The following MELK variants were observed in gnomAD, a reference collection of about 807,000 sequenced individuals.
The protein encoded by MELK is maternal embryonic leucine zipper kinase.
A neutral mutation model predicts 85.0 loss-of-function variants in MELK; 81 were observed. That is an observed-to-expected ratio of 0.95 (90% confidence interval 0.80 to 1.15). MELK has a LOEUF of 1.15. Ranked by LOEUF, MELK falls within the 50% of genes most tolerant of loss-of-function variation. The pLI is 0.00. For synonymous variants in MELK, 252 were observed against 265.0 expected (o/e 0.95, Z 0.48); for missense variants, 754 against 777.5 (o/e 0.97, Z 0.36).
In MELK at chr9:36,665,483, A is replaced by G. The variant is rs139147189; in HGVS notation, c.1310A>G (p.Glu437Gly). Residue 437 changes from glutamate to glycine, a missense_variant, in exon 14 of 18, where the codon GAG (glutamate) becomes GGG (glycine). Coordinates refer to ENST00000298048, the MANE Select transcript of MELK (RefSeq NM_014791.4). ...YTPKSAVKNEEYFMFPEPKTP... is the reference protein window; with the variant it reads ...YTPKSAVKNEGYFMFPEPKTP... ...CCTAAGTCTGCTGTAAAGAATGAAG[A>G]GTACTTTATGTTTCCTGAGCCAAAG... 13 of 1,613,654 alleles carry G rather than the reference A, an allele frequency of 8.1e-6. No individual in the cohort carries two copies. The African/African-American group carries it at 1.6e-4, about 20-fold the overall frequency.
intron 8 of MELK, among the ~76,000 whole-genome samples, chr9:36,627,661 G>A (rs1828074549): frequency 6.6e-6 from 1 of 151,434 alleles, no homozygotes; most frequent in Admixed American, 6.6e-5. Flanking sequence ...TGAGTAGCTG[G>A]GAATTATAAG....
chr9:36,669,497 A>G (rs139998544), intron 15 of MELK, 91 bp downstream of exon 15: 89 of 888,308 alleles, frequency 1.0e-4, no homozygotes, highest in Middle Eastern at 3.3e-4. Flanking sequence ...AAGGTAAATC[A>G]TCACATAGAT....
At chr9:36,596,563 GT>G (rs750016508) in intron 5 of MELK, among the ~76,000 whole-genome samples, 3,207 of 106,092 alleles carry the variant, frequency 0.03, 242 homozygotes, top group African/African-American at 0.12. Context: ...GGCCCTTTTT[GT>G]TTTTTTTGTT....
At chr9:36,585,862 T>A (rs915009828) in intron 3 of MELK, among the ~76,000 whole-genome samples, 1 of 151,870 alleles carries the variant, frequency 6.6e-6, no homozygotes, top group African/African-American at 2.4e-5. Flanking sequence ...CCCTTGAGCC[T>A]AGGAGGTTGA....
Position 36,597,299 on chromosome 9 carries a change from A to G in MELK, c.474+9A>G. The G allele has an allele frequency of 6.2e-7, 1 of 1,606,354 alleles. No homozygotes were observed. Among genetic ancestry groups the G allele is most frequent in the Non-Finnish European group, 8.5e-7 (1 of 1,173,216 alleles). On this transcript the variant is annotated intron_variant, in intron 6 of 17. Coordinates refer to ENST00000298048, the MANE Select transcript of MELK (RefSeq NM_014791.4). ...TCTGTGCAAAACCCAAGGTAAGTGCAGAAATAAGATGCATCTATGTTCTTT... is the reference window on the plus strand; with the variant it reads ...TCTGTGCAAAACCCAAGGTAAGTGCGGAAATAAGATGCATCTATGTTCTTT...
intron 6 of MELK, among the ~76,000 whole-genome samples, chr9:36,598,640 A>G (rs1824561434): frequency 6.6e-6 from 1 of 152,182 alleles, no homozygotes; most frequent in African/African-American, 2.4e-5. Flanking sequence ...TGTTCTATGT[A>G]ACATATTGCT....
chr9:36,584,655 C>G (rs1046197568), intron 3 of MELK, among the ~76,000 whole-genome samples: 1 of 151,404 alleles, frequency 6.6e-6, no homozygotes, highest in Non-Finnish European at 1.5e-5. Context: ...TCTTATGATA[C>G]TCTTACTAAA....
intron 10 of MELK, among the ~76,000 whole-genome samples, chr9:36,641,433 C>G (rs970963592): frequency 6.6e-6 from 1 of 152,036 alleles, no homozygotes; most frequent in African/African-American, 2.4e-5. Context: ...AATTCCCAAG[C>G]CTGTTAGCCA....
At chr9:36,618,141 G>A (rs1411106178) in intron 8 of MELK, among the ~76,000 whole-genome samples, 2 of 151,118 alleles carry the variant, frequency 1.3e-5, no homozygotes, top group Admixed American at 1.3e-4. Context: ...AAAAAAAAGG[G>A]CCCAGTGGCT....
chr9:36,633,983 C>T (rs1468669226), intron 10 of MELK, among the ~76,000 whole-genome samples: 1 of 152,198 alleles, frequency 6.6e-6, no homozygotes, highest in East Asian at 1.9e-4. Context: ...CATGTGGAAT[C>T]TGAAGCCATA....
chr9:36,647,023 C>T, intron 11 of MELK, among the ~76,000 whole-genome samples: 1 of 152,224 alleles, frequency 6.6e-6, no homozygotes, highest in East Asian at 1.9e-4. Flanking sequence ...CACCTGAAAG[C>T]ATAACTAATG....
intron 1 of MELK, among the ~76,000 whole-genome samples, chr9:36,575,896 C>T (rs1179660439): frequency 6.6e-6 from 1 of 152,154 alleles, no homozygotes; most frequent in Non-Finnish European, 1.5e-5. Context: ...TTCCATTCTC[C>T]TGCTCTCTTT....
At chr9:36,625,334 A>G (rs530547182) in intron 8 of MELK, among the ~76,000 whole-genome samples, 6 of 152,310 alleles carry the variant, frequency 3.9e-5, no homozygotes, top group Admixed American at 1.3e-4. Context: ...GCAGTTTGCC[A>G]AGAAAGAGAA....
chr9:36,588,086 G>A (rs7042182), intron 3 of MELK, among the ~76,000 whole-genome samples: 2,148 of 150,508 alleles, frequency 0.014, 48 homozygotes, highest in African/African-American at 0.05. Context: ...TTTTTTTTGA[G>A]ATGGAGTTTT....
rs544701960 is a variant in MELK at position 36,589,548 on chromosome 9, C to T, written c.157C>T (p.Arg53Trp). The T allele has an allele frequency of 6.4e-5, 103 of 1,613,240 alleles. No individual in the cohort carries two copies. Among genetic ancestry groups the T allele is most frequent in the South Asian group, 4.3e-4 (39 of 91,064 alleles). Residue 53 changes from arginine (R) to tryptophan (W), a missense_variant, in exon 4 of 18, where the codon CGG (arginine) becomes TGG (tryptophan). By Grantham distance (101) the Arg-to-Trp change is moderately radical. Transcript: ENST00000298048. ...DKNTLGSDLP[R>W]IKTEIEALKN... ...TGTTTTGTCACAGAGTGATTTGCCC[C>T]GGATCAAAACGGAGATTGAGGCCTT...
At chr9:36,575,487 C>T (rs544856813) in intron 1 of MELK, among the ~76,000 whole-genome samples, 1 of 152,256 alleles carries the variant, frequency 6.6e-6, no homozygotes, top group African/African-American at 2.4e-5. Flanking sequence ...TCTCACATTG[C>T]AGCAACAACG....
intron 10 of MELK, among the ~76,000 whole-genome samples, chr9:36,635,511 G>T (rs750196703): frequency 2.0e-5 from 3 of 151,938 alleles, no homozygotes; most frequent in Non-Finnish European, 4.4e-5. Context: ...TGGTCCGCCT[G>T]CCTTGGCCTC....
chr9:36,647,352 A>G (rs1222718407), intron 11 of MELK, among the ~76,000 whole-genome samples: 11 of 152,188 alleles, frequency 7.2e-5, no homozygotes, highest in East Asian at 1.9e-4. Context: ...ACATGGGGCT[A>G]TCATAGATGT....
At chr9:36,636,728 ATTTCTTTCTTTCTTTCTTTC>A (rs74181197) in intron 10 of MELK, among the ~76,000 whole-genome samples, 2 of 100,932 alleles carry the variant, frequency 2.0e-5, no homozygotes, top group East Asian at 3.0e-4. Flanking sequence ...TAGCAACTGG[ATTTCTTTCTTTCTTTCTTTC>A]TTTCTTTCTT....
Sources: gnomAD v4.1 joint callset for allele counts (sites outside exome capture counted in the v4.1 genomes callset) on GRCh38, gnomAD v4.1.1 for gene constraint, MANE v1.5 for transcripts, NCBI Gene and HGNC (gene_info 2026-07-23, HGNC 2026-07-21) for gene names.